STAT5B: variants seen among roughly 807,000 people sequenced by gnomAD.
STAT5B encodes the protein signal transducer and activator of transcription 5B.
A neutral mutation model predicts 107.8 loss-of-function variants in STAT5B; 21 were observed. The observed-to-expected ratio is 0.19, with a 90% CI of 0.14 to 0.28. The LOEUF (loss-of-function observed/expected upper bound fraction) is 0.28. STAT5B is among the 10% of genes least tolerant of loss of function. The probability of loss-of-function intolerance (pLI) is 1.00; values close to 1 mark genes in which losing one functional copy is unlikely to be tolerated. For synonymous variants in STAT5B, 325 were observed against 401.7 expected (o/e 0.81, Z 2.28); for missense variants, 565 against 1,008.2 (o/e 0.56, Z 5.95).
chr17:42,235,780 G>T (rs977917039), intron 1 of STAT5B, among the ~76,000 whole-genome samples: 1 of 152,162 alleles, frequency 6.6e-6, no homozygotes, highest in Non-Finnish European at 1.5e-5. Flanking sequence ...TCGGCCAGGA[G>T]CACATCTTAT....
chr17:42,258,587 G>A (rs779504631), intron 1 of STAT5B, among the ~76,000 whole-genome samples: 4 of 152,218 alleles, frequency 2.6e-5, no homozygotes, highest in East Asian at 1.9e-4. Flanking sequence ...GCTGAGGCAC[G>A]AGAATCACTT....
At chr17:42,241,829 T>G (rs183972978) in intron 1 of STAT5B, among the ~76,000 whole-genome samples, 52 of 152,186 alleles carry the variant, frequency 3.4e-4, no homozygotes, top group Non-Finnish European at 6.8e-4. Context: ...TGGACTAATA[T>G]CAAGTAAGAA....
In STAT5B at chr17:42,276,071, GA is replaced by G. The variant is rs1209110290; in HGVS notation, c.-11+176del. 6.6e-6 allele frequency among the ~76,000 whole-genome samples: 1 copy of G among 151,038 alleles called. No homozygotes were observed. The highest frequency in any genetic ancestry group is 1.5e-5 in the Non-Finnish European group (1 of 67,664). On this transcript the variant is annotated intron_variant, in intron 1 of 18. Transcript: ENST00000293328. The surrounding 1 kb of genome is among the most constrained non-coding windows in gnomAD (Gnocchi z 4.8). ...CTCAGCCTCCCCGGCAGCCAACCCG[GA>G]CCCCCTCTCCCCGCGCGCGCCCCTC... is the stretch of plus-strand genomic sequence containing the variant.
chr17:42,228,149 G>C (rs1442254836), intron 2 of STAT5B, among the ~76,000 whole-genome samples: 1 of 152,168 alleles, frequency 6.6e-6, no homozygotes, highest in East Asian at 1.9e-4. Flanking sequence ...GGTTTCTTAG[G>C]TAGAGACAGG....
intron 1 of STAT5B, among the ~76,000 whole-genome samples, chr17:42,262,804 A>G (rs1460113680): frequency 3.0e-5 from 3 of 100,756 alleles, no homozygotes; most frequent in Admixed American, 8.7e-5. Context: ...ATATGTGTGT[A>G]TATATACACA....
intron 18 of STAT5B, 24 bp from the exon 19 acceptor site, chr17:42,201,888 G>A: frequency 1.2e-6 from 2 of 1,612,050 alleles, no homozygotes; most frequent in Non-Finnish European, 1.7e-6. Context: ...GAAGAGGGAT[G>A]AAGGGAAGGG....
the STAT5B span, among the ~76,000 whole-genome samples, chr17:42,285,504 C>A: frequency 6.6e-6 from 1 of 152,302 alleles, no homozygotes; most frequent in Non-Finnish European, 1.5e-5. Context: ...AGCCTCGGAC[C>A]GCAGCTCAGT....
chr17:42,249,176 G>C (rs2080477077), intron 1 of STAT5B, among the ~76,000 whole-genome samples: 2 of 152,352 alleles, frequency 1.3e-5, no homozygotes, highest in South Asian at 4.1e-4. Flanking sequence ...TGGATCACTT[G>C]AGGTCAGGAG....
At chr17:42,284,858 G>A in the STAT5B span, among the ~76,000 whole-genome samples, 1 of 152,204 alleles carries the variant, frequency 6.6e-6, no homozygotes, top group African/African-American at 2.4e-5. Flanking sequence ...ACAGCTTTGG[G>A]CAGGTTTCTT....
At chr17:42,229,676 G>C (rs1333593117) in intron 2 of STAT5B, among the ~76,000 whole-genome samples, 1 of 151,372 alleles carries the variant, frequency 6.6e-6, no homozygotes, top group Non-Finnish European at 1.5e-5. Flanking sequence ...TTAGAGACCA[G>C]CCTGGCCAAC....
chr17:42,229,964 C>T (rs2080304917), intron 2 of STAT5B, among the ~76,000 whole-genome samples: 1 of 152,028 alleles, frequency 6.6e-6, no homozygotes, highest in Non-Finnish European at 1.5e-5. Flanking sequence ...CAACACAAGT[C>T]TTTTAATTCA....
Position 42,216,116 on chromosome 17 carries a change from C to T in STAT5B, c.1381-10G>A, listed in dbSNP as rs775884800. The T allele has an allele frequency of 7.4e-6, 12 of 1,611,386 alleles. No homozygotes were observed. Among genetic ancestry groups the T allele is most frequent in the African/African-American group, 1.3e-5 (1 of 74,858 alleles). On this transcript the variant is annotated splice_polypyrimidine_tract_variant and intron_variant, in intron 11 of 18. Transcript: ENST00000293328. ...CTGGCAGGGACAGGGTCTAAAAAGACACAAGAGAAGGCTGAGCGCCCACGA... is the reference window on the plus strand; with the variant it reads ...CTGGCAGGGACAGGGTCTAAAAAGATACAAGAGAAGGCTGAGCGCCCACGA...
intron 12 of STAT5B, among the ~76,000 whole-genome samples, chr17:42,215,230 A>T (rs2080161404): frequency 6.6e-6 from 1 of 152,174 alleles, no homozygotes. Flanking sequence ...TATTGAAAGG[A>T]AGAGGGTATG....
the STAT5B span, among the ~76,000 whole-genome samples, chr17:42,283,382 C>T: frequency 2.0e-5 from 3 of 152,336 alleles, no homozygotes; most frequent in East Asian, 5.8e-4. Context: ...GCCCACCTGA[C>T]TGGCTGGGAA....
chr17:42,241,340 CAAAA>C (rs774158422), intron 1 of STAT5B, among the ~76,000 whole-genome samples: 1 of 72,528 alleles, frequency 1.4e-5, no homozygotes, highest in Non-Finnish European at 2.9e-5. Flanking sequence ...AACTCCATCT[CAAAA>C]AAAAAAAAAA....
chr17:42,236,934 C>A (rs551572883), intron 1 of STAT5B, among the ~76,000 whole-genome samples: 1 of 152,178 alleles, frequency 6.6e-6, no homozygotes, highest in Admixed American at 6.5e-5. Context: ...TGCTTATTTA[C>A]GGGCAGCTCC....
intron 1 of STAT5B, among the ~76,000 whole-genome samples, chr17:42,232,809 C>G (rs1225933168): frequency 6.7e-6 from 1 of 149,674 alleles, no homozygotes; most frequent in Non-Finnish European, 1.5e-5. Flanking sequence ...TGGTAAGCAG[C>G]ATTTCAACAG....
chr17:42,218,448 G>C lies in STAT5B; in HGVS notation c.990-118C>G, dbSNP rs2277620. 10 of 1,480,818 alleles carry C rather than the reference G, an allele frequency of 6.8e-6. No homozygotes were observed. The African/African-American group carries it at 1.1e-4, about 17-fold the overall frequency. 91.7% of individuals were successfully genotyped at this position (1,480,818 alleles called of 1,614,324 possible). On this transcript the variant is annotated intron_variant, in intron 8 of 18. Coordinates refer to ENST00000293328, the MANE Select transcript of STAT5B (RefSeq NM_012448.4). The stretch of plus-strand genomic sequence containing the variant: ...GAGGGGCTCAGGAGGTGAAGAGCTC[G>C]GGCACAGCCTCTGTTCCTGGGGAAG...
intron 13 of STAT5B, among the ~76,000 whole-genome samples, chr17:42,211,255 C>G (rs2080126178): frequency 1.3e-5 from 2 of 152,106 alleles, no homozygotes; most frequent in African/African-American, 4.8e-5. Context: ...CGCCTGTAAT[C>G]CCAGCACTTT....
Sources: allele counts gnomAD v4.1 joint callset (sites outside exome capture counted in the v4.1 genomes callset), GRCh38; gene constraint gnomAD v4.1.1; non-coding constraint Gnocchi (gnomAD v3.1); transcripts MANE v1.5; gene names NCBI Gene and HGNC (gene_info 2026-07-23, HGNC 2026-07-21).